PCDHGA8: variants seen among roughly 807,000 people sequenced by gnomAD.
The protein encoded by PCDHGA8 is protocadherin gamma-A8.
PCDHGA8 carries 45 observed loss-of-function variants against 59.2 expected under a neutral mutation model. That is an observed-to-expected ratio of 0.76 (90% CI 0.60 to 0.98). PCDHGA8 has a LOEUF of 0.98. Among genes scored for constraint, PCDHGA8 ranks in the 50% least tolerant of loss-of-function variants. The probability of loss-of-function intolerance (pLI) is 0.00; values close to 1 mark genes in which losing one functional copy is unlikely to be tolerated. For missense variants in PCDHGA8, 1,257 were observed against 1,196.2 expected, an observed-to-expected ratio of 1.05 and a Z score of -0.75; for synonymous variants, 531 against 519.0, an observed-to-expected ratio of 1.02 and a Z score of -0.32.
At chr5:141,399,464 C>T (rs747827208) in intron 1 of PCDHGA8, 4 of 1,614,018 alleles carry the variant, frequency 2.5e-6, no homozygotes, top group South Asian at 1.1e-5. Flanking sequence ...GATAACGCTC[C>T]GGTTTTCCAC....
At chr5:141,442,674 A>G (rs2098335634) in intron 1 of PCDHGA8, among the ~76,000 whole-genome samples, 1 of 152,272 alleles carries the variant, frequency 6.6e-6, no homozygotes, top group Non-Finnish European at 1.5e-5. Context: ...GGTGAGCTTG[A>G]GGGACAGTAG....
rs562872139 is a variant in PCDHGA8 at position 141,408,923 on chromosome 5, G to A, written c.2424+13686G>A. The A allele has an allele frequency of 5.6e-6, 9 of 1,613,488 alleles. No individual in the cohort carries two copies. The African/African-American group carries it at 1.1e-4, about 19-fold the overall frequency. ...CAAGGATACCAATGATAACCCCCCG[G>A]TTTTCAGCAGAGACGAATATAGAAT... On this transcript the variant is annotated intron_variant, in intron 1 of 3. Coordinates refer to ENST00000398604, the MANE Select transcript of PCDHGA8 (RefSeq NM_032088.2).
chr5:141,422,568 C>T (rs372115955), intron 1 of PCDHGA8: 91 of 1,613,904 alleles, frequency 5.6e-5, no homozygotes, highest in Non-Finnish European at 7.5e-5. Flanking sequence ...CAGATGACAA[C>T]GATAACCCTC....
intron 1 of PCDHGA8, among the ~76,000 whole-genome samples, chr5:141,464,803 G>A (rs933573443): frequency 1.5e-4 from 23 of 152,092 alleles, no homozygotes; most frequent in African/African-American, 5.1e-4. Context: ...CAGTGATGCA[G>A]TCATAGCTCA....
intron 1 of PCDHGA8, chr5:141,418,184 G>A: frequency 6.2e-7 from 1 of 1,614,096 alleles, no homozygotes; most frequent in Non-Finnish European, 8.5e-7. Flanking sequence ...ATTGGAAGCT[G>A]TGGTGGAAAA....
intron 1 of PCDHGA8, chr5:141,417,885 G>T (rs761442517): frequency 3.8e-6 from 6 of 1,562,926 alleles, no homozygotes; most frequent in South Asian, 1.2e-5. Context: ...GCGCAGAGGC[G>T]CCGGGCCGGC....
intron 1 of PCDHGA8, among the ~76,000 whole-genome samples, chr5:141,435,043 C>T (rs2097739230): frequency 1.3e-5 from 2 of 151,658 alleles, no homozygotes; most frequent in African/African-American, 2.4e-5. Flanking sequence ...ATTTTTTTCC[C>T]ATTGACCATG....
intron 2 of PCDHGA8, among the ~76,000 whole-genome samples, chr5:141,495,912 CTT>C (rs1210428397): frequency 6.6e-6 from 1 of 152,140 alleles, no homozygotes; most frequent in Admixed American, 6.6e-5. Flanking sequence ...CTCTGTATAT[CTT>C]TCTTTGTCTC....
intron 2 of PCDHGA8, 58 bp downstream of exon 2, chr5:141,494,923 G>T: frequency 6.2e-7 from 1 of 1,613,698 alleles, no homozygotes; most frequent in Non-Finnish European, 8.5e-7. Context: ...CAGGGATGAC[G>T]TGGGAGGAGA....
At chr5:141,423,440 C>G in intron 1 of PCDHGA8, 1 of 1,613,970 alleles carries the variant, frequency 6.2e-7, no homozygotes, top group South Asian at 1.1e-5. Context: ...GGTATGCCCA[C>G]GTCACATTTT....
At chr5:141,478,755 A>G in intron 1 of PCDHGA8, 1 of 1,519,784 alleles carries the variant, frequency 6.6e-7, no homozygotes, top group South Asian at 1.3e-5. Flanking sequence ...TTCAGGGGGA[A>G]GATACTTGAC....
intron 1 of PCDHGA8, chr5:141,484,858 T>A: frequency 4.1e-6 from 1 of 245,806 alleles, no homozygotes; most frequent in Non-Finnish European, 7.8e-6. Context: ...TTTTGGGGGG[T>A]GGGGGAGCGT....
At position 141,421,139 on chromosome 5, in the gene PCDHGA8, A is replaced by T. The variant is rs2096548615; in HGVS notation, c.2424+25902A>T. Reference sequence around the variant, plus strand: ...TCCTTCGCTTTCTGATATATTTTGGATGTAGTCGGCCTAGGACTTCATAGA... The same window carrying T: ...TCCTTCGCTTTCTGATATATTTTGGTTGTAGTCGGCCTAGGACTTCATAGA... On this transcript the variant is annotated intron_variant, in intron 1 of 3. Transcript: ENST00000398604. 5 of 913,574 alleles carry T rather than the reference A, an allele frequency of 5.5e-6. No individual in the cohort carries two copies. The South Asian group carries it at 8.8e-5, about 16-fold the overall frequency. 56.6% of individuals were successfully genotyped at this position (913,574 alleles called of 1,614,324 possible). A position where few individuals can be genotyped will look rare whatever the true frequency, so the allele number is the denominator to read the frequency against.
chr5:141,445,576 G>A (rs1459010134), intron 1 of PCDHGA8, among the ~76,000 whole-genome samples: 1 of 152,158 alleles, frequency 6.6e-6, no homozygotes, highest in Non-Finnish European at 1.5e-5. Flanking sequence ...TTATAGTAGG[G>A]AAGCTTCGCC....
rs2099629540 is a variant in PCDHGA8, at chr5:141,486,436, T to C, written c.2425-8371T>C. 2 of 1,614,188 alleles carry C rather than the reference T, an allele frequency of 1.2e-6. No individual in the cohort carries two copies. The highest frequency in any genetic ancestry group is 1.7e-6 in the Non-Finnish European group (2 of 1,180,020). On this transcript the variant is annotated intron_variant, in intron 1 of 3. Coordinates refer to ENST00000398604, the MANE Select transcript of PCDHGA8 (RefSeq NM_032088.2). This position sits in a 1 kb window ranked among gnomAD's most constrained non-coding sequence, Gnocchi z 5.0. ...TGGATCGAGAGGCCAAATCTAGCTA[T>C]GACATCATGGTCACTGCTTCTGATG... is the stretch of plus-strand genomic sequence containing the variant.
intron 2 of PCDHGA8, among the ~76,000 whole-genome samples, chr5:141,497,984 C>G (rs2099780951): frequency 6.6e-6 from 1 of 152,194 alleles, no homozygotes; most frequent in South Asian, 2.1e-4. Flanking sequence ...TGGGAGGCCC[C>G]TGCCCTCAAG....
chr5:141,474,325 C>A (rs540113771), intron 1 of PCDHGA8, among the ~76,000 whole-genome samples: 1 of 152,256 alleles, frequency 6.6e-6, no homozygotes, highest in Admixed American at 6.5e-5. Context: ...TTTCAAATCA[C>A]CCTGATGTTT....
chr5:141,404,906 C>G, intron 1 of PCDHGA8: 8 of 1,613,864 alleles, frequency 5.0e-6, no homozygotes, highest in Non-Finnish European at 5.1e-6. Context: ...CCATGGCCAG[C>G]CCCCTCTCTC....
chr5:141,486,105 A>C lies in PCDHGA8; in HGVS notation c.2425-8702A>C. The stretch of plus-strand genomic sequence containing the variant: ...ACTCTTTTGGGGCCCCTAGACTTTG[A>C]GAGTGAGAATTACTATGAATTTGAT... On this transcript the variant is annotated intron_variant, in intron 1 of 3. Transcript: ENST00000398604. This position sits in a 1 kb window ranked among gnomAD's most constrained non-coding sequence, Gnocchi z 5.0. The C allele has an allele frequency of 1.2e-6, 2 of 1,614,138 alleles. No individual in the cohort carries two copies. The highest frequency in any genetic ancestry group is 1.7e-6 in the Non-Finnish European group (2 of 1,180,016).
Sources: allele counts gnomAD v4.1 joint callset (sites outside exome capture counted in the v4.1 genomes callset), GRCh38; gene constraint gnomAD v4.1.1; non-coding constraint Gnocchi (gnomAD v3.1); transcripts MANE v1.5; gene names NCBI Gene and HGNC (gene_info 2026-07-23, HGNC 2026-07-21).